The following CARS1 variants were observed in gnomAD, a reference collection of about 807,000 sequenced individuals.
CARS1 encodes cysteine--tRNA ligase, cytoplasmic.
In CARS1, 48 loss-of-function variants were observed where a neutral mutation model predicts 106.2. That is an observed-to-expected ratio of 0.45 (90% CI 0.36 to 0.57). CARS1 has a LOEUF of 0.57. Ranked by LOEUF, CARS1 falls within the 20% of genes least tolerant of loss-of-function variation. The pLI is 0.00. For missense variants in CARS1, 968 were observed against 1,057.2 expected (o/e 0.92, Z 1.17); for synonymous variants, 409 against 403.4 (o/e 1.01, Z -0.17).
rs538476840 is a variant in CARS1 at position 3,045,543 on chromosome 11, A to T, written c.274+2210T>A. ...CCTCCCAAAGTGCTGGGATTACAGGAGTGAGCCACCGCGCCGGGCCAAGCA... is the reference window on the plus strand; with the variant it reads ...CCTCCCAAAGTGCTGGGATTACAGGTGTGAGCCACCGCGCCGGGCCAAGCA... On this transcript the variant is annotated intron_variant, in intron 2 of 22. Transcript: ENST00000380525. This position sits in a 1 kb window ranked among gnomAD's most constrained non-coding sequence, Gnocchi z 5.6. Among the ~76,000 whole-genome samples the T allele has an allele frequency of 1.3e-5, 2 of 152,066 alleles. No homozygotes were observed.
Position 3,046,631 on chromosome 11 carries a change from C to T in CARS1, c.274+1122G>A, listed in dbSNP as rs918419154. 1.4e-4 allele frequency among the ~76,000 whole-genome samples: 21 copies of T among 151,958 alleles called. No homozygotes were observed. The highest frequency in any genetic ancestry group is 1.6e-4 in the Non-Finnish European group (11 of 67,930). On this transcript the variant is annotated intron_variant, in intron 2 of 22. Transcript: ENST00000380525. This position sits in a 1 kb window ranked among gnomAD's most constrained non-coding sequence, Gnocchi z 5.8. ...GCAGAGGCCTGACCCACGGCAGAGG[C>T]GGGGGGGCATGTTCCCAATCCCAGG... is the stretch of plus-strand genomic sequence containing the variant.
rs1854074862 is a variant in CARS1, at chr11:3,039,136, A to C, written c.651+58T>G. ...CTACCCTAGGGACAGTAGCCTACAA[A>C]GGACCGAGAACAGAAAGCAAAGGGC... On this transcript the variant is annotated intron_variant, in intron 6 of 22. Transcript: ENST00000380525. This position sits in a 1 kb window ranked among gnomAD's most constrained non-coding sequence, Gnocchi z 5.6. 3.7e-6 allele frequency: 4 copies of C among 1,075,504 alleles called. No homozygotes were observed. The highest frequency in any genetic ancestry group is 4.3e-6 in the Non-Finnish European group (3 of 696,244). 66.6% of individuals were successfully genotyped at this position (1,075,504 alleles called of 1,614,324 possible).
In CARS1 at chr11:3,018,529, A is replaced by G; in HGVS notation, c.1526-18T>C. On this transcript the variant is annotated intron_variant, in intron 13 of 22. Transcript: ENST00000380525. ...CTGCCGTGCTGTGGGGGGACACAAG[A>G]CAGCCAACGCCCTTATTCTCCCGAG... 6.2e-7 allele frequency: 1 copy of G among 1,613,260 alleles called. No individual in the cohort carries two copies. The highest frequency in any genetic ancestry group is 2.2e-5 in the East Asian group (1 of 44,878).
chr11:3,029,079 G>C lies in CARS1; in HGVS notation c.948C>G (p.Leu316=). 1 of 1,610,420 alleles carries C rather than the reference G, an allele frequency of 6.2e-7. No individual in the cohort carries two copies. The highest frequency in any genetic ancestry group is 1.7e-5 in the Admixed American group (1 of 60,024). ...TAACCCGGGTTAAGACATCTGGAGG[G>C]AGAACCTGTGCAAGACATGAGAATG... ...FHRDMEALNV[L]PPDVLTRVSE... Residue 316 remains leucine (L), a synonymous_variant, in exon 9 of 23, where the codon CTC becomes CTG. Coordinates refer to ENST00000380525, the MANE Select transcript of CARS1 (RefSeq NM_001014437.3). This position sits in a 1 kb window ranked among gnomAD's most constrained non-coding sequence, Gnocchi z 5.9.
rs1481515211 is a variant in CARS1, at chr11:3,004,442, G to T, written c.2217+924C>A. Among the ~76,000 whole-genome samples, 1 of 152,114 alleles carries T rather than the reference G, an allele frequency of 6.6e-6. No individual in the cohort carries two copies. Among genetic ancestry groups the T allele is most frequent in the East Asian group, 1.9e-4 (1 of 5,188 alleles). ...GATTCTCCTTCCTCAGTTCCTCCCAGAGCCTCCTTCCTGAGAGCTGTGGCA... is the reference window on the plus strand; with the variant it reads ...GATTCTCCTTCCTCAGTTCCTCCCATAGCCTCCTTCCTGAGAGCTGTGGCA... On this transcript the variant is annotated intron_variant, in intron 20 of 22. Transcript: ENST00000380525. This position sits in a 1 kb window ranked among gnomAD's most constrained non-coding sequence, Gnocchi z 5.2.
rs1854023736 is a variant in CARS1, at chr11:3,038,791, A to G, written c.651+403T>C. 6.6e-6 allele frequency among the ~76,000 whole-genome samples: 1 copy of G among 152,256 alleles called. No individual in the cohort carries two copies. Among genetic ancestry groups the G allele is most frequent in the African/African-American group, 2.4e-5 (1 of 41,462 alleles). On this transcript the variant is annotated intron_variant, in intron 6 of 22. Transcript: ENST00000380525. This position sits in a 1 kb window ranked among gnomAD's most constrained non-coding sequence, Gnocchi z 4.0. ...CTAATTTCTTCAAAAGATTCTGAAAATTTACAGTATTACCAAATTAAAAAG... is the reference window on the plus strand; with the variant it reads ...CTAATTTCTTCAAAAGATTCTGAAAGTTTACAGTATTACCAAATTAAAAAG...
intron 21 of CARS1, 132 bp from the exon 22 acceptor site, chr11:3,002,185 TG>T: frequency 1.4e-6 from 1 of 718,152 alleles, no homozygotes; most frequent in Non-Finnish European, 2.4e-6. Flanking sequence ...CTATGAAAGA[TG>T]GGAAGGGGAA....
At chr11:3,054,871 TCTGAC>T in intron 1 of CARS1, 1 of 702,462 alleles carries the variant, frequency 1.4e-6, no homozygotes, top group Middle Eastern at 2.3e-4. Flanking sequence ...AAACTATAAG[TCTGAC>T]CTGATGAGCA....
At chr11:3,042,970 C>G (rs1206614621) in intron 2 of CARS1, among the ~76,000 whole-genome samples, 2 of 152,142 alleles carry the variant, frequency 1.3e-5, no homozygotes, top group Admixed American at 6.5e-5. Context: ...AGCTCTGGGC[C>G]CACAGCCCAG....
Position 3,028,894 on chromosome 11 carries a change from A to G in CARS1, c.1031+102T>C. The G allele has an allele frequency of 1.2e-6, 1 of 818,020 alleles. No homozygotes were observed. Among genetic ancestry groups the G allele is most frequent in the Non-Finnish European group, 2.1e-6 (1 of 477,282 alleles). 50.7% of individuals were successfully genotyped at this position (818,020 alleles called of 1,614,324 possible). A position where few individuals can be genotyped will look rare whatever the true frequency, so the allele number is the denominator to read the frequency against. On this transcript the variant is annotated intron_variant, in intron 9 of 22. Coordinates refer to ENST00000380525, the MANE Select transcript of CARS1 (RefSeq NM_001014437.3). This position sits in a 1 kb window ranked among gnomAD's most constrained non-coding sequence, Gnocchi z 4.4. ...ACTTCTAGCTACGCAGCCCCAGAAC[A>G]CCTGCTCCTCTGCTTCCCAAACTCA...
Position 3,019,289 on chromosome 11 carries a change from G to A in CARS1, c.1267-22C>T. 1.4e-6 allele frequency: 2 copies of A among 1,388,144 alleles called. No individual in the cohort carries two copies. Among genetic ancestry groups the A allele is most frequent in the Non-Finnish European group, 1.9e-6 (2 of 1,062,282 alleles). 86.0% of individuals were successfully genotyped at this position (1,388,144 alleles called of 1,614,324 possible). A position where few individuals can be genotyped will look rare whatever the true frequency, so the allele number is the denominator to read the frequency against. Reference sequence around the variant, plus strand: ...GACCCTGGAGAAAGCCGAACACACAGTGACTGACCAGCCTACCCGCTTGTC... The same window carrying A: ...GACCCTGGAGAAAGCCGAACACACAATGACTGACCAGCCTACCCGCTTGTC... On this transcript the variant is annotated intron_variant, in intron 11 of 22. Coordinates refer to ENST00000380525, the MANE Select transcript of CARS1 (RefSeq NM_001014437.3). The surrounding 1 kb of genome is among the most constrained non-coding windows in gnomAD (Gnocchi z 6.2).
At chr11:3,049,484 T>C (rs1003694406) in intron 1 of CARS1, among the ~76,000 whole-genome samples, 1 of 152,252 alleles carries the variant, frequency 6.6e-6, no homozygotes, top group African/African-American at 2.4e-5. Flanking sequence ...ACCAGGCAGA[T>C]GGTGCCAGGC....
chr11:3,036,280 G>A (rs1460763736), intron 7 of CARS1, among the ~76,000 whole-genome samples: 1 of 152,186 alleles, frequency 6.6e-6, no homozygotes, highest in Non-Finnish European at 1.5e-5. Context: ...AGTCCTTCTA[G>A]GGCCCCAGAA....
intron 12 of CARS1, 118 bp from the exon 13 acceptor site, chr11:3,018,867 G>T (rs1851296509): frequency 1.4e-6 from 2 of 1,381,086 alleles, no homozygotes; most frequent in Non-Finnish European, 1.9e-6. Context: ...CGTTTTCCAG[G>T]TGGTGCAGGC....
At chr11:3,027,706 G>T (rs1422204152) in intron 9 of CARS1, 8 of 376,816 alleles carry the variant, frequency 2.1e-5, no homozygotes, top group Non-Finnish European at 3.8e-5. Flanking sequence ...GTGACCAGAA[G>T]ACAAGAGTGT....
At position 3,043,522 on chromosome 11, in the gene CARS1, G is replaced by A. The variant is rs984298132; in HGVS notation, c.275-1266C>T. Among the ~76,000 whole-genome samples, 1 of 150,662 alleles carries A rather than the reference G, an allele frequency of 6.6e-6. No individual in the cohort carries two copies. The highest frequency in any genetic ancestry group is 2.4e-5 in the African/African-American group (1 of 40,856). On this transcript the variant is annotated intron_variant, in intron 2 of 22. Transcript: ENST00000380525. The surrounding 1 kb of genome is among the most constrained non-coding windows in gnomAD (Gnocchi z 4.0). The stretch of plus-strand genomic sequence containing the variant: ...GGGCTTCACATGTCTCTGCTGAGTG[G>A]CACCAGGAAGGCCTACGAGATGGAT...
intron 10 of CARS1, among the ~76,000 whole-genome samples, chr11:3,024,255 G>A (rs1404153369): frequency 6.6e-6 from 1 of 151,992 alleles, no homozygotes; most frequent in Non-Finnish European, 1.5e-5. Context: ...TCCTCTAATT[G>A]GTGCTTTAGG....
chr11:3,049,891 C>A (rs1420057925), intron 1 of CARS1, among the ~76,000 whole-genome samples: 1 of 152,246 alleles, frequency 6.6e-6, no homozygotes, highest in African/African-American at 2.4e-5. Flanking sequence ...GGGGTAACTG[C>A]ACACGAATGC....
In CARS1 at chr11:3,037,726, G is replaced by C. The variant is rs1853854843; in HGVS notation, c.801+324C>G. On this transcript the variant is annotated intron_variant, in intron 7 of 22. Coordinates refer to ENST00000380525, the MANE Select transcript of CARS1 (RefSeq NM_001014437.3). This position sits in a 1 kb window ranked among gnomAD's most constrained non-coding sequence, Gnocchi z 5.9. ...GGGGAGAGTCCGCTGGAGAATCTTG[G>C]AACACTTCGACAGAAGGCTGCCTCC... Among the ~76,000 whole-genome samples, 1 of 152,158 alleles carries C rather than the reference G, an allele frequency of 6.6e-6. No individual in the cohort carries two copies. The highest frequency in any genetic ancestry group is 2.4e-5 in the African/African-American group (1 of 41,442).
Sources: allele counts gnomAD v4.1 joint callset (sites outside exome capture counted in the v4.1 genomes callset), GRCh38; gene constraint gnomAD v4.1.1; non-coding constraint Gnocchi (gnomAD v3.1); transcripts MANE v1.5; gene names NCBI Gene and HGNC (gene_info 2026-07-23, HGNC 2026-07-21).